Variants in TAFA1 observed in about 807,000 individuals in gnomAD.
The protein encoded by TAFA1 is TAFA chemokine like family member 1.
TAFA1 carries 4 observed loss-of-function variants against 18.5 expected under a neutral mutation model. The ratio of observed to expected loss-of-function variants is 0.22; its 90% confidence interval spans 0.11 to 0.49. TAFA1 has a LOEUF of 0.49. Among genes scored for constraint, TAFA1 ranks in the 20% least tolerant of loss-of-function variants. The probability of loss-of-function intolerance (pLI) is 0.98; values close to 1 mark genes in which losing one functional copy is unlikely to be tolerated. For synonymous variants in TAFA1, 56 were observed against 55.2 expected (o/e 1.01, Z -0.06); for missense variants, 147 against 169.0 (o/e 0.87, Z 0.72).
At chr3:68,066,515 G>C (rs942585600) in intron 2 of TAFA1, among the ~76,000 whole-genome samples, 2 of 152,174 alleles carry the variant, frequency 1.3e-5, no homozygotes, top group African/African-American at 4.8e-5. Flanking sequence ...AATGGTGCAG[G>C]AATGGTATAT....
Position 68,234,976 on chromosome 3 carries a change from T to C in TAFA1, c.119-182304T>C, listed in dbSNP as rs547956941. Reference sequence around the variant, plus strand: ...TGAGGAGCACAGATGAACTCCATTGTCTGTAATAAACGCTTGACTCATTCC... The same window carrying C: ...TGAGGAGCACAGATGAACTCCATTGCCTGTAATAAACGCTTGACTCATTCC... On this transcript the variant is annotated intron_variant, in intron 2 of 4. Transcript: ENST00000478136. Among the ~76,000 whole-genome samples the C allele has an allele frequency of 7.9e-5, 12 of 152,300 alleles. No homozygotes were observed. The South Asian group carries it at 2.1e-3, about 26-fold the overall frequency.
At chr3:68,517,429 AGT>A (rs1559702041) in intron 3 of TAFA1, among the ~76,000 whole-genome samples, 3 of 152,208 alleles carry the variant, frequency 2.0e-5, no homozygotes, top group Non-Finnish European at 4.4e-5. Context: ...GGCCTTATGT[AGT>A]GCCTTTCACC....
At chr3:68,055,306 G>A (rs1227578796) in intron 2 of TAFA1, among the ~76,000 whole-genome samples, 1 of 151,970 alleles carries the variant, frequency 6.6e-6, no homozygotes, top group African/African-American at 2.4e-5. Context: ...GTATGTATGC[G>A]GGGGGCAAGA....
chr3:68,146,292 G>A (rs753694319), intron 2 of TAFA1, among the ~76,000 whole-genome samples: 6 of 152,138 alleles, frequency 3.9e-5, no homozygotes, highest in Admixed American at 3.3e-4. Flanking sequence ...CTGGCGTAGG[G>A]ACCACACTTT....
chr3:68,012,929 C>T (rs1559701572), intron 2 of TAFA1, among the ~76,000 whole-genome samples: 1 of 152,138 alleles, frequency 6.6e-6, no homozygotes, highest in Non-Finnish European at 1.5e-5. Flanking sequence ...TTATGTTCTC[C>T]TCCTGGAGAT....
At chr3:68,246,357 G>A (rs1328445103) in intron 2 of TAFA1, among the ~76,000 whole-genome samples, 5 of 151,902 alleles carry the variant, frequency 3.3e-5, no homozygotes, top group African/African-American at 9.7e-5. Flanking sequence ...TTGGGAGGCC[G>A]AGGCGGGTGG....
At chr3:68,015,454 T>G (rs1032100016) in intron 2 of TAFA1, among the ~76,000 whole-genome samples, 1 of 152,078 alleles carries the variant, frequency 6.6e-6, no homozygotes, top group Non-Finnish European at 1.5e-5. Flanking sequence ...GCCCAGCTAA[T>G]TTTTATATTT....
chr3:68,120,237 CTTTCTTTCTTTCTTTCT>C (rs2065380803), intron 2 of TAFA1, among the ~76,000 whole-genome samples: 7 of 100,600 alleles, frequency 7.0e-5, no homozygotes, highest in African/African-American at 2.5e-4. Flanking sequence ...TTCTTTCTTT[CTTTCTTTCTTTCTTTCT>C]TTCTTTCTTT....
At chr3:68,122,045 C>T (rs910685916) in intron 2 of TAFA1, among the ~76,000 whole-genome samples, 1 of 152,150 alleles carries the variant, frequency 6.6e-6, no homozygotes, top group African/African-American at 2.4e-5. Flanking sequence ...TCACAGCTAT[C>T]TCATGAGGTG....
At chr3:68,025,080 TC>T (rs1461732205) in intron 2 of TAFA1, among the ~76,000 whole-genome samples, 1 of 152,094 alleles carries the variant, frequency 6.6e-6, no homozygotes, top group Non-Finnish European at 1.5e-5. Flanking sequence ...TCTTCCCTAG[TC>T]CCCACACCTA....
intron 2 of TAFA1, among the ~76,000 whole-genome samples, chr3:68,327,262 T>G (rs919588605): frequency 5.3e-5 from 8 of 152,204 alleles, no homozygotes; most frequent in African/African-American, 1.9e-4. Flanking sequence ...ATTAGCATCA[T>G]GAGAGCAGAA....
At chr3:68,397,399 A>G (rs1462708580) in intron 2 of TAFA1, among the ~76,000 whole-genome samples, 1 of 152,106 alleles carries the variant, frequency 6.6e-6, no homozygotes, top group Non-Finnish European at 1.5e-5. Flanking sequence ...TTTATGAGTG[A>G]GAACATGTGG....
At chr3:68,408,068 A>G (rs541160020) in intron 2 of TAFA1, among the ~76,000 whole-genome samples, 1 of 152,302 alleles carries the variant, frequency 6.6e-6, no homozygotes. Context: ...CAAAAAAGCT[A>G]CTTATACAAC....
upstream of TAFA1, among the ~76,000 whole-genome samples, chr3:68,002,647 A>T (rs1704296302): frequency 6.6e-6 from 1 of 152,190 alleles, no homozygotes; most frequent in African/African-American, 2.4e-5. Flanking sequence ...AATGTTAAAG[A>T]AATAAGAAAA....
Position 68,020,173 on chromosome 3 carries a change from G to C in TAFA1, c.118+13429G>C, listed in dbSNP as rs191488599. 1.5e-4 allele frequency among the ~76,000 whole-genome samples: 23 copies of C among 152,118 alleles called. No homozygotes were observed. In the East Asian group the frequency reaches 3.3e-3, roughly 22 times the overall value. On this transcript the variant is annotated intron_variant, in intron 2 of 4. Transcript: ENST00000478136. Reference sequence around the variant, plus strand: ...GCAATTCAGTTGTCCCATCAAAATGGGCCACGTAGCATCTACTTACATCTT... The same window carrying C: ...GCAATTCAGTTGTCCCATCAAAATGCGCCACGTAGCATCTACTTACATCTT...
intron 3 of TAFA1, among the ~76,000 whole-genome samples, chr3:68,537,762 T>G (rs955764077): frequency 6.6e-6 from 1 of 152,218 alleles, no homozygotes; most frequent in Admixed American, 6.5e-5. Context: ...TTTTATTTCC[T>G]TCATAAGTCT....
intron 2 of TAFA1, among the ~76,000 whole-genome samples, chr3:68,416,485 A>G (rs1485092546): frequency 2.0e-5 from 3 of 152,158 alleles, no homozygotes; most frequent in African/African-American, 7.2e-5. Context: ...TGGTCACTTG[A>G]TGTATCTTTT....
At chr3:68,470,103 G>A (rs1434176556) in intron 3 of TAFA1, among the ~76,000 whole-genome samples, 1 of 152,142 alleles carries the variant, frequency 6.6e-6, no homozygotes, top group Non-Finnish European at 1.5e-5. Flanking sequence ...TCTCATGGTA[G>A]TGAATAAGTC....
intron 2 of TAFA1, among the ~76,000 whole-genome samples, chr3:68,077,787 T>C (rs2064845677): frequency 6.6e-6 from 1 of 152,022 alleles, no homozygotes; most frequent in South Asian, 2.1e-4. Flanking sequence ...GACTTGGCGA[T>C]GCGGGCTCTT....
Sources: gnomAD v4.1 joint callset for allele counts (sites outside exome capture counted in the v4.1 genomes callset) on GRCh38, gnomAD v4.1.1 for gene constraint, MANE v1.5 for transcripts, NCBI Gene and HGNC (gene_info 2026-07-23, HGNC 2026-07-21) for gene names.